VGLL4: variants seen among roughly 807,000 people sequenced by gnomAD.
VGLL4 encodes vestigial like family member 4.
Under a neutral mutation model 21.0 loss-of-function variants are expected in VGLL4, and 7 were observed. The ratio of observed to expected loss-of-function variants is 0.33; its 90% CI spans 0.19 to 0.63. The LOEUF (loss-of-function observed/expected upper bound fraction) is 0.63. Ranked by LOEUF, VGLL4 falls within the 20% of genes least tolerant of loss-of-function variation. VGLL4 has a pLI of 0.78. For synonymous variants in VGLL4, 222 were observed against 173.2 expected (o/e 1.28, Z -2.21); for missense variants, 394 against 425.7 (o/e 0.93, Z 0.66).
In VGLL4 at chr3:11,666,749, C is replaced by T. The variant is rs138106946; in HGVS notation, c.64+36222G>A. ...AGACATTCTGTAAACACCAAAAGGGCATCTCTAAGGACCTGAAAACCTACA... is the reference window on the plus strand; with the variant it reads ...AGACATTCTGTAAACACCAAAAGGGTATCTCTAAGGACCTGAAAACCTACA... On this transcript the variant is annotated intron_variant, in intron 2 of 5. Coordinates refer to the VGLL4 transcript ENST00000273038. 1.7e-4 allele frequency among the ~76,000 whole-genome samples: 26 copies of T among 152,280 alleles called. No homozygotes were observed. The East Asian group carries it at 5.0e-3, about 29-fold the overall frequency.
At chr3:11,668,437 A>G (rs2076158243) in intron 2 of VGLL4, among the ~76,000 whole-genome samples, 2 of 152,160 alleles carry the variant, frequency 1.3e-5, no homozygotes, top group African/African-American at 2.4e-5. Context: ...CATCAGTGGC[A>G]GCTGGGAGCT....
At chr3:11,579,705 C>T (rs372749286) in intron 2 of VGLL4, among the ~76,000 whole-genome samples, 1 of 152,104 alleles carries the variant, frequency 6.6e-6, no homozygotes, top group African/African-American at 2.4e-5. Context: ...ACCCTCCCCC[C>T]CAAGTTTCAT....
chr3:11,573,695 C>A (rs914455314), intron 2 of VGLL4, among the ~76,000 whole-genome samples: 5 of 152,220 alleles, frequency 3.3e-5, no homozygotes, highest in Non-Finnish European at 4.4e-5. Flanking sequence ...CAGTTACCAG[C>A]GCAGTTGAGC....
intron 1 of VGLL4, among the ~76,000 whole-genome samples, chr3:11,620,787 C>T (rs373540339): frequency 2.0e-5 from 3 of 152,170 alleles, no homozygotes; most frequent in African/African-American, 7.2e-5. Flanking sequence ...CCCCCAGGAC[C>T]CGACCGTCCC....
intron 1 of VGLL4, among the ~76,000 whole-genome samples, chr3:11,623,798 T>G (rs2075307061): frequency 6.6e-6 from 1 of 151,818 alleles, no homozygotes. Flanking sequence ...TGGAGTGCAG[T>G]GGTGCCATCA....
intron 1 of VGLL4, among the ~76,000 whole-genome samples, chr3:11,711,013 T>C (rs796293239): frequency 1.0e-4 from 15 of 150,598 alleles, no homozygotes; most frequent in African/African-American, 3.7e-4. Context: ...GGCAGGAGAA[T>C]CACTCGAACC....
intron 2 of VGLL4, among the ~76,000 whole-genome samples, chr3:11,588,499 T>C (rs1394032649): frequency 2.6e-5 from 4 of 152,136 alleles, no homozygotes; most frequent in Non-Finnish European, 5.9e-5. Flanking sequence ...CACCCTGTGG[T>C]GGACTGGGAG....
At chr3:11,687,529 C>G (rs1453098367) in intron 2 of VGLL4, among the ~76,000 whole-genome samples, 3 of 152,120 alleles carry the variant, frequency 2.0e-5, no homozygotes, top group Non-Finnish European at 4.4e-5. Context: ...AGGCTGGTGT[C>G]AAACTCCTGG....
At chr3:11,681,264 AT>A in intron 2 of VGLL4, among the ~76,000 whole-genome samples, 1 of 152,144 alleles carries the variant, frequency 6.6e-6, no homozygotes, top group South Asian at 2.1e-4. Flanking sequence ...CGCCCGGCTA[AT>A]TTTTTGTATT....
At chr3:11,585,534 C>A (rs1485279393) in intron 2 of VGLL4, among the ~76,000 whole-genome samples, 2 of 151,724 alleles carry the variant, frequency 1.3e-5, no homozygotes, top group Non-Finnish European at 2.9e-5. Context: ...AGAGAGAAAT[C>A]TATTATGGTC....
intron 2 of VGLL4, among the ~76,000 whole-genome samples, chr3:11,662,374 G>A (rs1412324095): frequency 6.6e-6 from 1 of 152,176 alleles, no homozygotes; most frequent in Non-Finnish European, 1.5e-5. Context: ...CAGCTGAAAT[G>A]AAAAAAGCAA....
At chr3:11,573,700 T>C (rs2073945372) in intron 2 of VGLL4, among the ~76,000 whole-genome samples, 1 of 152,286 alleles carries the variant, frequency 6.6e-6, no homozygotes, top group South Asian at 2.1e-4. Flanking sequence ...ACCAGCGCAG[T>C]TGAGCATCTT....
intron 2 of VGLL4, among the ~76,000 whole-genome samples, chr3:11,679,586 G>C (rs2076341717): frequency 6.6e-6 from 1 of 152,064 alleles, no homozygotes; most frequent in African/African-American, 2.4e-5. Context: ...GGGAGGCTGA[G>C]GCAGGAGAAC....
chr3:11,621,813 C>G (rs1336447506), intron 1 of VGLL4, among the ~76,000 whole-genome samples: 1 of 152,208 alleles, frequency 6.6e-6, no homozygotes, highest in Non-Finnish European at 1.5e-5. Flanking sequence ...TTCTCCACAT[C>G]CTCACCAACA....
In VGLL4 at chr3:11,582,327, GTCCTCCCA is replaced by G. The variant is rs2074250202; in HGVS notation, c.273-17316_273-17309del. The stretch of plus-strand genomic sequence containing the variant: ...CCAAAGAGCATGAAGACAGCCCAGC[GTCCTCCCA>G]CAAGAAAGCCTTGGGCCTCACAAAC... On this transcript the variant is annotated intron_variant, in intron 2 of 4. Transcript: ENST00000430365. The G allele has an allele frequency of 1.9e-6, 3 of 1,594,948 alleles. No homozygotes were observed. In the East Asian group the frequency reaches 6.8e-5, roughly 36 times the overall value.
At position 11,653,351 on chromosome 3, in the gene VGLL4, A is replaced by G. The variant is rs1286372321; in HGVS notation, c.64+49620T>C. ...ATCCTAACCTTTAAGAACGTAGATC[A>G]GTTGTATAACACTTTATAGAAAGAG... On this transcript the variant is annotated intron_variant, in intron 2 of 5. Transcript: ENST00000273038. The surrounding 1 kb of genome is among the most constrained non-coding windows in gnomAD (Gnocchi z 4.2). Among the ~76,000 whole-genome samples the G allele has an allele frequency of 6.6e-6, 1 of 152,232 alleles. No individual in the cohort carries two copies. Among genetic ancestry groups the G allele is most frequent in the Non-Finnish European group, 1.5e-5 (1 of 68,044 alleles).
rs561085634 is a variant in VGLL4, at chr3:11,568,290, G to A, written c.273-3271C>T. ...ACAGTCACGCAGATGACTCAGCTGCGCCTTAGGAAATCCAAGCATGACTAT... is the reference window on the plus strand; with the variant it reads ...ACAGTCACGCAGATGACTCAGCTGCACCTTAGGAAATCCAAGCATGACTAT... On this transcript the variant is annotated intron_variant, in intron 2 of 4. Coordinates refer to ENST00000430365, the MANE Select transcript of VGLL4 (RefSeq NM_001128219.3). The surrounding 1 kb of genome is among the most constrained non-coding windows in gnomAD (Gnocchi z 5.9). Among the ~76,000 whole-genome samples the A allele has an allele frequency of 5.3e-5, 8 of 152,304 alleles. No individual in the cohort carries two copies. Among genetic ancestry groups the A allele is most frequent in the South Asian group, 4.1e-4 (2 of 4,832 alleles).
intron 1 of VGLL4, among the ~76,000 whole-genome samples, chr3:11,631,732 A>C (rs980059395): frequency 6.6e-6 from 1 of 152,084 alleles, no homozygotes; most frequent in South Asian, 2.1e-4. Flanking sequence ...ACATGGGGGG[A>C]AAAATTTACA....
At chr3:11,569,419 G>A (rs1023223780) in intron 2 of VGLL4, among the ~76,000 whole-genome samples, 1 of 152,238 alleles carries the variant, frequency 6.6e-6, no homozygotes, top group Non-Finnish European at 1.5e-5. Flanking sequence ...GCCCAGGGCA[G>A]CCTTGGGCCC....
Sources: allele counts gnomAD v4.1 joint callset (sites outside exome capture counted in the v4.1 genomes callset), GRCh38; gene constraint gnomAD v4.1.1; non-coding constraint Gnocchi (gnomAD v3.1); transcripts MANE v1.5; gene names NCBI Gene and HGNC (gene_info 2026-07-23, HGNC 2026-07-21).